Variants in ARHGAP24 observed in about 807,000 individuals in gnomAD.
The protein encoded by ARHGAP24 is rho GTPase-activating protein 24.
ARHGAP24 carries 50 observed loss-of-function variants against 76.4 expected under a neutral mutation model. The ratio of observed to expected loss-of-function variants is 0.65; its 90% confidence interval spans 0.52 to 0.83. The LOEUF (loss-of-function observed/expected upper bound fraction) is 0.83. Ranked by LOEUF, ARHGAP24 falls within the 40% of genes least tolerant of loss-of-function variation. ARHGAP24 has a pLI of 0.00. For synonymous variants in ARHGAP24, 345 were observed against 323.3 expected (o/e 1.07, Z -0.72); for missense variants, 930 against 914.2 (o/e 1.02, Z -0.22).
intron 2 of ARHGAP24, among the ~76,000 whole-genome samples, chr4:85,693,666 A>G (rs1025245638): frequency 3.3e-5 from 5 of 152,186 alleles, no homozygotes; most frequent in South Asian, 2.1e-4. Flanking sequence ...CAGCTGCTCT[A>G]TGCACACACT....
chr4:85,516,412 A>G (rs1023812645), intron 1 of ARHGAP24, among the ~76,000 whole-genome samples: 8 of 152,208 alleles, frequency 5.3e-5, no homozygotes, highest in African/African-American at 1.9e-4. Context: ...ACTCTTGTTT[A>G]TATCAATTAA....
intron 5 of ARHGAP24, among the ~76,000 whole-genome samples, chr4:85,951,906 TAA>T (rs549293633): frequency 6.6e-6 from 1 of 152,156 alleles, no homozygotes; most frequent in Non-Finnish European, 1.5e-5. Flanking sequence ...TTAAAAATCA[TAA>T]AGTTATTAAG....
intron 2 of ARHGAP24, among the ~76,000 whole-genome samples, chr4:85,674,251 A>T (rs764412946): frequency 1.4e-4 from 21 of 152,200 alleles, no homozygotes; most frequent in Non-Finnish European, 2.8e-4. Flanking sequence ...CCACTGCCAT[A>T]GCAGAAATAA....
intron 3 of ARHGAP24, among the ~76,000 whole-genome samples, chr4:85,848,047 C>A (rs972237326): frequency 3.3e-5 from 5 of 152,016 alleles, no homozygotes; most frequent in Non-Finnish European, 7.4e-5. Context: ...AACTTTTCTC[C>A]CCCTTTCACC....
intron 3 of ARHGAP24, among the ~76,000 whole-genome samples, chr4:85,805,481 C>T (rs1227274915): frequency 6.6e-6 from 1 of 152,020 alleles, no homozygotes; most frequent in East Asian, 1.9e-4. Context: ...CTGAAGATAC[C>T]AAGGAGTGAT....
At chr4:85,786,761 C>A (rs977812036) in intron 3 of ARHGAP24, among the ~76,000 whole-genome samples, 1 of 152,182 alleles carries the variant, frequency 6.6e-6, no homozygotes, top group Non-Finnish European at 1.5e-5. Flanking sequence ...CTAACTCTGC[C>A]CACTTTCTCA....
In ARHGAP24 at chr4:85,656,570, C is replaced by T. The variant is rs188715495; in HGVS notation, c.181-65315C>T. Among the ~76,000 whole-genome samples, 155 of 152,174 alleles carry T rather than the reference C, an allele frequency of 1.0e-3. 1 individual carries two copies. The highest frequency in any genetic ancestry group is 2.9e-3 in the African/African-American group (121 of 41,522). On this transcript the variant is annotated intron_variant, in intron 2 of 9. Transcript: ENST00000395184. ...GCAAACTTCGCCTCCTGAGTTCAAG[C>T]GATTCTCCTGCCTCAGTCTCCCAAG... is the stretch of plus-strand genomic sequence containing the variant.
At chr4:85,592,496 ACT>A (rs1179478956) in intron 2 of ARHGAP24, among the ~76,000 whole-genome samples, 5 of 152,054 alleles carry the variant, frequency 3.3e-5, no homozygotes, top group Admixed American at 2.6e-4. Context: ...ATCTAATTAT[ACT>A]CTTTTAGTTA....
At chr4:85,810,196 A>G (rs1267264013) in intron 3 of ARHGAP24, among the ~76,000 whole-genome samples, 1 of 152,178 alleles carries the variant, frequency 6.6e-6, no homozygotes, top group Non-Finnish European at 1.5e-5. Context: ...TTGTTAGACA[A>G]TATCTTCTTC....
intron 3 of ARHGAP24, among the ~76,000 whole-genome samples, chr4:85,759,571 T>C (rs1578203350): frequency 6.6e-6 from 1 of 152,138 alleles, no homozygotes; most frequent in Non-Finnish European, 1.5e-5. Flanking sequence ...CTTTGGCAGG[T>C]ATCCACACCG....
intron 5 of ARHGAP24, among the ~76,000 whole-genome samples, chr4:85,950,583 A>G (rs188471023): frequency 6.6e-6 from 1 of 152,266 alleles, no homozygotes; most frequent in Non-Finnish European, 1.5e-5. Context: ...AATAGTGTCC[A>G]CGGAGGTTGA....
At chr4:85,617,873 CTA>C in intron 2 of ARHGAP24, among the ~76,000 whole-genome samples, 1 of 151,988 alleles carries the variant, frequency 6.6e-6, no homozygotes, top group Non-Finnish European at 1.5e-5. Flanking sequence ...AACAAAAATT[CTA>C]TATTTTATAC....
intron 2 of ARHGAP24, among the ~76,000 whole-genome samples, chr4:85,681,843 A>G (rs972750428): frequency 6.6e-6 from 1 of 152,330 alleles, no homozygotes; most frequent in South Asian, 2.1e-4. Context: ...TGTGAAGGGT[A>G]GGGACAAATA....
At position 85,520,090 on chromosome 4, in the gene ARHGAP24, A is replaced by G. The variant is rs80089238; in HGVS notation, c.-21+44531A>G. Among the ~76,000 whole-genome samples the G allele has an allele frequency of 2.2e-3, 337 of 152,286 alleles. 7 individuals carry two copies. In the East Asian group the frequency reaches 0.056, roughly 25 times the overall value. On this transcript the variant is annotated intron_variant, in intron 1 of 9. Coordinates refer to ENST00000395184, the MANE Select transcript of ARHGAP24 (RefSeq NM_001025616.3). The stretch of plus-strand genomic sequence containing the variant: ...AAATAATTAATGAATTGTTGTTTCA[A>G]AAACATCCTTGGCTTCCTTTCTCAT...
intron 2 of ARHGAP24, among the ~76,000 whole-genome samples, chr4:85,585,379 T>C (rs17010510): frequency 0.076 from 11,627 of 152,244 alleles, 1,419 homozygotes; most frequent in African/African-American, 0.26. Flanking sequence ...GACAGAGAAC[T>C]GAGAAGAGTG....
At position 85,480,854 on chromosome 4, in the gene ARHGAP24, G is replaced by T. The variant is rs758283166; in HGVS notation, c.-21+5295G>T. Among the ~76,000 whole-genome samples the T allele has an allele frequency of 2.6e-5, 4 of 152,076 alleles. No individual in the cohort carries two copies. The East Asian group carries it at 5.8e-4, about 22-fold the overall frequency. On this transcript the variant is annotated intron_variant, in intron 1 of 9. Transcript: ENST00000395184. Reference sequence around the variant, plus strand: ...ATAGAAGAATTCCCTTAGGGATGTCGCTGAGAAGGGTAAGAGAAAACCTTT... The same window carrying T: ...ATAGAAGAATTCCCTTAGGGATGTCTCTGAGAAGGGTAAGAGAAAACCTTT...
chr4:85,521,883 C>G (rs1724778150), intron 1 of ARHGAP24, among the ~76,000 whole-genome samples: 1 of 152,004 alleles, frequency 6.6e-6, no homozygotes, highest in Non-Finnish European at 1.5e-5. Context: ...GAGCAGTAAC[C>G]AAAGTTAATG....
At chr4:85,636,315 A>C (rs1361851875) in intron 2 of ARHGAP24, among the ~76,000 whole-genome samples, 1 of 151,838 alleles carries the variant, frequency 6.6e-6, no homozygotes, top group Non-Finnish European at 1.5e-5. Flanking sequence ...GTAAATTAAT[A>C]ATATAAGCTT....
intron 1 of ARHGAP24, among the ~76,000 whole-genome samples, chr4:85,488,374 T>A (rs1723230823): frequency 6.6e-6 from 1 of 151,400 alleles, no homozygotes; most frequent in Non-Finnish European, 1.5e-5. Flanking sequence ...AAATAAAAAG[T>A]CTTTTAATCT....
Sources: allele counts gnomAD v4.1 joint callset (sites outside exome capture counted in the v4.1 genomes callset), GRCh38; gene constraint gnomAD v4.1.1; transcripts MANE v1.5; gene names NCBI Gene and HGNC (gene_info 2026-07-23, HGNC 2026-07-21).